The following CD163L1 variants were observed in gnomAD, a reference collection of about 807,000 sequenced individuals.
CD163L1 encodes scavenger receptor cysteine-rich type 1 protein M160.
CD163L1 carries 124 observed loss-of-function variants against 165.4 expected under a neutral mutation model. The observed-to-expected ratio is 0.75, with a 90% CI of 0.65 to 0.87. The LOEUF (loss-of-function observed/expected upper bound fraction) is 0.87, where lower values mean the gene tolerates loss of function less well. CD163L1 is among the 40% of genes least tolerant of loss of function. CD163L1 has a pLI of 0.00. For missense variants in CD163L1, 1,525 were observed against 1,799.9 expected (o/e 0.85, Z 2.76); for synonymous variants, 585 against 662.2 (o/e 0.88, Z 1.79).
At chr12:7,319,683 C>A in the CD163L1 span, among the ~76,000 whole-genome samples, 10 of 152,080 alleles carry the variant, frequency 6.6e-5, no homozygotes, top group East Asian at 1.9e-3. Context: ...CCTAATAGGC[C>A]ACAAACAGAA....
intron 4 of CD163L1, among the ~76,000 whole-genome samples, chr12:7,414,852 T>C (rs1229652292): frequency 6.6e-6 from 1 of 152,180 alleles, no homozygotes; most frequent in Non-Finnish European, 1.5e-5. Context: ...AAGAACATTA[T>C]ACTTGGTAAA....
the CD163L1 span, chr12:7,320,610 G>A: frequency 2.5e-6 from 2 of 801,074 alleles, no homozygotes; most frequent in Non-Finnish European, 4.1e-6. Context: ...ATTCCTAGTA[G>A]TGACCACGGG....
chr12:7,359,661 G>A (rs754629681), intron 18 of CD163L1, among the ~76,000 whole-genome samples: 47 of 152,118 alleles, frequency 3.1e-4, no homozygotes, highest in African/African-American at 9.6e-4. Flanking sequence ...TCTGATCTAC[G>A]AAAAGAAAAG....
At position 7,368,127 on chromosome 12, in the gene CD163L1, C is replaced by A. The variant is rs144374967; in HGVS notation, c.4143G>T (p.Thr1381=). Reference sequence around the variant, plus strand: ...GTTTTTGTTTCTGAACTCGGCACCACGTGAGAAATAGAATAAACAGAACCA... The same window carrying A: ...GTTTTTGTTTCTGAACTCGGCACCAAGTGAGAAATAGAATAAACAGAACCA... The part of the protein sequence containing the change: ...LLLVLFILFL[T]WCRVQKQKHL... The change falls in exon 17 of 20, where the codon ACG becomes ACT. Residue 1381 remains threonine (T), a synonymous_variant. Transcript: ENST00000313599. This position sits in a 1 kb window ranked among gnomAD's most constrained non-coding sequence, Gnocchi z 4.3. The A allele has an allele frequency of 1.9e-6, 3 of 1,612,380 alleles. No individual in the cohort carries two copies. The highest frequency in any genetic ancestry group is 2.5e-6 in the Non-Finnish European group (3 of 1,178,678).
At chr12:7,365,072 C>T (rs1029808037) in intron 18 of CD163L1, among the ~76,000 whole-genome samples, 1 of 151,996 alleles carries the variant, frequency 6.6e-6, no homozygotes, top group Non-Finnish European at 1.5e-5. Flanking sequence ...AAAACAGACA[C>T]ATAAACCAGT....
intron 4 of CD163L1, among the ~76,000 whole-genome samples, chr12:7,423,124 C>T (rs1314158154): frequency 1.3e-5 from 2 of 152,082 alleles, no homozygotes; most frequent in Non-Finnish European, 2.9e-5. Flanking sequence ...TCATAACAAA[C>T]AGTCTCTCAG....
Position 7,375,505 on chromosome 12 carries a change from T to C in CD163L1, c.2777A>G (p.Asp926Gly). 1.9e-6 allele frequency: 3 copies of C among 1,614,124 alleles called. No individual in the cohort carries two copies. Among genetic ancestry groups the C allele is most frequent in the South Asian group, 2.2e-5 (2 of 91,086 alleles). ...NVLGHWGSLC[D>G]THWDPEDARV... ...GGCATCTTCTGGGTCCCAGTGGGTG[T>C]CACACAGTGAGCCCCAGTGTCCAAG... The change falls in exon 11 of 20, where the codon GAC becomes GGC. Residue 926 changes from aspartate to glycine, a missense_variant. By Grantham distance (94) the Asp-to-Gly change is moderately conservative (BLOSUM62 -1). Transcript: ENST00000313599.
chr12:7,439,828 T>G lies in CD163L1; in HGVS notation c.124+1326A>C, dbSNP rs1439032735. ...CTCCACCTCGAACACATCCTCTCCGTCCTCCTCACTGTCGCCAAAGGCCTC... is the reference window on the plus strand; with the variant it reads ...CTCCACCTCGAACACATCCTCTCCGGCCTCCTCACTGTCGCCAAAGGCCTC... On this transcript the variant is annotated intron_variant, in intron 2 of 19. Coordinates refer to ENST00000313599, the MANE Select transcript of CD163L1 (RefSeq NM_174941.6). The G allele has an allele frequency of 1.9e-6, 3 of 1,613,378 alleles. No individual in the cohort carries two copies. In the African/African-American group the frequency reaches 4.0e-5, roughly 22 times the overall value.
At position 7,347,909 on chromosome 12, in the gene CD163L1, T is replaced by A. The variant is rs189289867; in HGVS notation, c.*25-762A>T. ...AAAACTGGTTGCATTGAACTATTAT[T>A]GAGTTTCCACATGAGCTTCACATGT... On this transcript the variant is annotated intron_variant, in intron 4 of 4. Transcript: ENST00000539726. The surrounding 1 kb of genome is among the most constrained non-coding windows in gnomAD (Gnocchi z 4.2). Among the ~76,000 whole-genome samples, 2 of 152,348 alleles carry A rather than the reference T, an allele frequency of 1.3e-5. No individual in the cohort carries two copies. The highest frequency in any genetic ancestry group is 6.5e-5 in the Admixed American group (1 of 15,298).
chr12:7,385,320 A>G (rs1339507314), intron 8 of CD163L1, among the ~76,000 whole-genome samples: 1 of 152,018 alleles, frequency 6.6e-6, no homozygotes, highest in East Asian at 1.9e-4. Flanking sequence ...TAACAATTCT[A>G]AATACATATA....
In CD163L1 at chr12:7,347,331, TAATG is replaced by T. The variant is rs1025634765; in HGVS notation, c.*25-188_*25-185del. On this transcript the variant is annotated intron_variant, in intron 4 of 4. Coordinates refer to the CD163L1 transcript ENST00000539726. This position sits in a 1 kb window ranked among gnomAD's most constrained non-coding sequence, Gnocchi z 4.2. ...TTGCTCTTCAAAGATCCTCTTGGGC[TAATG>T]AATACCTGATGTATTTATTTAAAAA... is the stretch of plus-strand genomic sequence containing the variant. Among the ~76,000 whole-genome samples the T allele has an allele frequency of 6.6e-6, 1 of 152,206 alleles. No homozygotes were observed. The highest frequency in any genetic ancestry group is 1.5e-5 in the Non-Finnish European group (1 of 68,030).
intron 8 of CD163L1, among the ~76,000 whole-genome samples, chr12:7,389,890 CATGAT>C (rs1177941382): frequency 6.7e-6 from 1 of 148,588 alleles, no homozygotes; most frequent in Non-Finnish European, 1.5e-5. Flanking sequence ...TCACAATAGC[CATGAT>C]ATGAAATCAA....
chr12:7,404,670 C>T (rs1319528166), intron 5 of CD163L1, among the ~76,000 whole-genome samples: 1 of 152,048 alleles, frequency 6.6e-6, no homozygotes, highest in Admixed American at 6.5e-5. Flanking sequence ...TACATCATTA[C>T]AAAAATATAA....
At chr12:7,379,724 G>C (rs1324199561) in intron 8 of CD163L1, among the ~76,000 whole-genome samples, 4 of 152,168 alleles carry the variant, frequency 2.6e-5, no homozygotes, top group Non-Finnish European at 5.9e-5. Context: ...AGGAAAAACT[G>C]CATAGGGCTG....
At chr12:7,421,639 A>G (rs199543952) in intron 4 of CD163L1, among the ~76,000 whole-genome samples, 1 of 3,350 alleles carries the variant, frequency 3.0e-4, no homozygotes, top group Non-Finnish European at 7.1e-4. Flanking sequence ...ACATATATGT[A>G]CACATATACA....
chr12:7,407,501 A>T (rs1218994319), intron 4 of CD163L1, among the ~76,000 whole-genome samples: 1 of 151,918 alleles, frequency 6.6e-6, no homozygotes, highest in Non-Finnish European at 1.5e-5. Context: ...ATTTAATTCA[A>T]AGTCTCAGCC....
In CD163L1 at chr12:7,372,589, C is replaced by T; in HGVS notation, c.3730+731G>A. Among the ~76,000 whole-genome samples, 1 of 151,708 alleles carries T rather than the reference C, an allele frequency of 6.6e-6. No homozygotes were observed. The highest frequency in any genetic ancestry group is 6.6e-5 in the Admixed American group (1 of 15,222). On this transcript the variant is annotated intron_variant, in intron 14 of 19. Transcript: ENST00000313599. The surrounding 1 kb of genome is among the most constrained non-coding windows in gnomAD (Gnocchi z 4.2). The stretch of plus-strand genomic sequence containing the variant: ...TACTTTTACATATAAAAGTAGGATA[C>T]AGATATCCTAAATATAGTGTAACAC...
intron 18 of CD163L1, among the ~76,000 whole-genome samples, chr12:7,363,418 A>AAATAATAATAAT (rs71450200): frequency 2.6e-5 from 4 of 151,852 alleles, no homozygotes; most frequent in Admixed American, 2.0e-4. Flanking sequence ...AGATAAAAAG[A>AAATAATAATAAT]AATAATAATA....
the CD163L1 span, among the ~76,000 whole-genome samples, chr12:7,326,298 G>A: frequency 6.6e-6 from 1 of 152,108 alleles, no homozygotes; most frequent in Non-Finnish European, 1.5e-5. Context: ...TCAAACTGCT[G>A]GGCTCAGTCG....
Sources: gnomAD v4.1 joint callset for allele counts (sites outside exome capture counted in the v4.1 genomes callset) on GRCh38, gnomAD v4.1.1 for gene constraint, Gnocchi (gnomAD v3.1) non-coding constraint, MANE v1.5 for transcripts, NCBI Gene and HGNC (gene_info 2026-07-23, HGNC 2026-07-21) for gene names.